MUSK: variants seen among roughly 807,000 people sequenced by gnomAD.
MUSK encodes the protein muscle associated receptor tyrosine kinase, also known as muscle, skeletal receptor tyrosine-protein kinase.
Under a neutral mutation model 88.7 loss-of-function variants are expected in MUSK, and 55 were observed. The ratio of observed to expected loss-of-function variants is 0.62; its 90% CI spans 0.50 to 0.78. MUSK has a LOEUF of 0.78. Among genes scored for constraint, MUSK ranks in the 30% least tolerant of loss-of-function variants. The probability of loss-of-function intolerance (pLI) is 0.00; values close to 1 mark genes in which losing one functional copy is unlikely to be tolerated. For missense variants in MUSK, 1,015 were observed against 1,074.3 expected (o/e 0.94, Z 0.77); for synonymous variants, 387 against 391.9 (o/e 0.99, Z 0.15).
intron 1 of MUSK, among the ~76,000 whole-genome samples, chr9:110,671,134 G>T (rs940251717): frequency 2.6e-5 from 4 of 152,106 alleles, no homozygotes; most frequent in Non-Finnish European, 5.9e-5. Context: ...ACCACACTCG[G>T]CTAATTTTTA....
chr9:110,800,380 C>T lies in MUSK; in HGVS notation c.2002C>T (p.Arg668Cys), dbSNP rs754730206. 1.9e-5 allele frequency: 31 copies of T among 1,613,692 alleles called. No homozygotes were observed. In the Admixed American group the frequency reaches 3.8e-4, roughly 20 times the overall value. ...MAYGDLNEFL[R>C]SMSPHTVCSL... is the part of the protein sequence containing the mutation. The stretch of plus-strand genomic sequence containing the variant: ...CTATGGTGACCTCAATGAGTTCCTC[C>T]GCAGCATGTCCCCTCACACCGTGTG... Residue 668 changes from arginine to cysteine, a missense_variant, in exon 15 of 15, where the codon CGC becomes TGC. Arg to Cys is a radical substitution (Grantham distance 180). Coordinates refer to ENST00000374448, the MANE Select transcript of MUSK (RefSeq NM_005592.4).
chr9:110,743,382 A>T lies in MUSK; in HGVS notation c.754-4259A>T, dbSNP rs2077128797. ...ATAGTAACATTCCTTTTGTTTTACAATCTTGGAAATAGTAGTTTGGCATGG... is the reference window on the plus strand; with the variant it reads ...ATAGTAACATTCCTTTTGTTTTACATTCTTGGAAATAGTAGTTTGGCATGG... On this transcript the variant is annotated intron_variant, in intron 6 of 14. Transcript: ENST00000374448. 2.0e-5 allele frequency among the ~76,000 whole-genome samples: 3 copies of T among 152,204 alleles called. 1 individual carries two copies. Among genetic ancestry groups the T allele is most frequent in the African/African-American group, 2.4e-5 (1 of 41,458 alleles).
intron 5 of MUSK, among the ~76,000 whole-genome samples, chr9:110,719,398 A>G (rs920766294): frequency 6.6e-6 from 1 of 152,116 alleles, no homozygotes; most frequent in Non-Finnish European, 1.5e-5. Context: ...AGAAAAACAT[A>G]TTCCATACAA....
At chr9:110,722,302 G>A (rs2076824027) in intron 5 of MUSK, among the ~76,000 whole-genome samples, 1 of 152,102 alleles carries the variant, frequency 6.6e-6, no homozygotes, top group East Asian at 1.9e-4. Context: ...GGCCAAGGCT[G>A]GCAGATCACT....
At chr9:110,694,517 C>A (rs10980529) in intron 3 of MUSK, among the ~76,000 whole-genome samples, 12,291 of 152,070 alleles carry the variant, frequency 0.081, 580 homozygotes, top group Non-Finnish European at 0.11. Flanking sequence ...AAAACAAAGT[C>A]CATATTTCAT....
chr9:110,761,181 CT>C (rs1399438751), intron 7 of MUSK, among the ~76,000 whole-genome samples: 7 of 152,156 alleles, frequency 4.6e-5, no homozygotes, highest in Non-Finnish European at 1.0e-4. Flanking sequence ...ATTCTCATGC[CT>C]TGGCAGAGTC....
intron 8 of MUSK, among the ~76,000 whole-genome samples, chr9:110,763,663 G>A (rs185918255): frequency 4.5e-4 from 68 of 152,344 alleles, no homozygotes; most frequent in Middle Eastern, 6.8e-3. Context: ...AGATTTGTCT[G>A]AAGCAGAGGA....
At position 110,800,904 on chromosome 9, in the gene MUSK, G is replaced by T. The variant is rs2078087224; in HGVS notation, c.2526G>T (p.Leu842=). ...YNLMRLCWSK[L]PADRPSFTSI... ...TCATGCGTCTATGTTGGAGCAAGCTGCCTGCAGACAGACCCAGTTTCACCA... is the reference window on the plus strand; with the variant it reads ...TCATGCGTCTATGTTGGAGCAAGCTTCCTGCAGACAGACCCAGTTTCACCA... Residue 842 remains leucine, a synonymous_variant, in exon 15 of 15, where the codon CTG becomes CTT. Transcript: ENST00000374448. 6.5e-7 allele frequency: 1 copy of T among 1,549,780 alleles called. No homozygotes were observed. The highest frequency in any genetic ancestry group is 2.3e-5 in the East Asian group (1 of 44,334).
At chr9:110,691,200 G>A (rs532694727) in intron 3 of MUSK, among the ~76,000 whole-genome samples, 1 of 152,046 alleles carries the variant, frequency 6.6e-6, no homozygotes, top group South Asian at 2.1e-4. Flanking sequence ...ACTCACTCTT[G>A]GCCTTGTCAC....
intron 14 of MUSK, among the ~76,000 whole-genome samples, chr9:110,797,392 A>T (rs138129407): frequency 6.6e-6 from 1 of 152,184 alleles, no homozygotes; most frequent in East Asian, 1.9e-4. Context: ...CAACAGGTAG[A>T]GTAACTGAAA....
At chr9:110,783,543 A>T (rs969339006) in intron 11 of MUSK, among the ~76,000 whole-genome samples, 1 of 152,022 alleles carries the variant, frequency 6.6e-6, no homozygotes, top group Non-Finnish European at 1.5e-5. Context: ...TAACTTTTTT[A>T]TCATTTCTAA....
chr9:110,749,644 A>G (rs1250846115), intron 7 of MUSK, among the ~76,000 whole-genome samples: 1 of 152,226 alleles, frequency 6.6e-6, no homozygotes, highest in African/African-American at 2.4e-5. Context: ...TAGGAGGTTG[A>G]GAAGTGCGGC....
chr9:110,672,438 G>T (rs1587872520), intron 1 of MUSK, among the ~76,000 whole-genome samples: 1 of 152,130 alleles, frequency 6.6e-6, no homozygotes, highest in Non-Finnish European at 1.5e-5. Flanking sequence ...ACCCAGCAGT[G>T]CTATGTGAAC....
At chr9:110,727,123 G>A (rs2076895994) in intron 5 of MUSK, among the ~76,000 whole-genome samples, 1 of 152,176 alleles carries the variant, frequency 6.6e-6, no homozygotes, top group East Asian at 1.9e-4. Flanking sequence ...GTTTTAAATA[G>A]TTTTTGAACT....
At chr9:110,682,438 C>T (rs1022202653) in intron 1 of MUSK, among the ~76,000 whole-genome samples, 2 of 152,006 alleles carry the variant, frequency 1.3e-5, no homozygotes, top group East Asian at 1.9e-4. Context: ...TGCCTCTCCT[C>T]GTATATCATA....
rs559371113 is a variant in MUSK, at chr9:110,709,192, C to A, written c.628+11726C>A. On this transcript the variant is annotated intron_variant, in intron 5 of 14. Coordinates refer to ENST00000374448, the MANE Select transcript of MUSK (RefSeq NM_005592.4). Reference sequence around the variant, plus strand: ...TAGAATTCTATGGCAAGAAGGAGTTCAAGTAATTTTATATTCAGTTATTTT... The same window carrying A: ...TAGAATTCTATGGCAAGAAGGAGTTAAAGTAATTTTATATTCAGTTATTTT... 3.3e-5 allele frequency among the ~76,000 whole-genome samples: 5 copies of A among 152,252 alleles called. No homozygotes were observed. In the East Asian group the frequency reaches 9.6e-4, roughly 29 times the overall value.
chr9:110,675,562 CTTT>C (rs10607243), intron 1 of MUSK, among the ~76,000 whole-genome samples: 23,108 of 62,270 alleles, frequency 0.37, 2,127 homozygotes, highest in Middle Eastern at 0.46. Context: ...ATAGTCTTCC[CTTT>C]TTTTTTTTTT....
In MUSK at chr9:110,801,564, A is replaced by G. The variant is rs1364207805; in HGVS notation, c.*576A>G. ...GTTTGTATTCTGCAGAGTTGTGGTT[A>G]CATTTTATTGATAGAGGGTTTCTAA... On this transcript the variant is annotated 3_prime_UTR_variant, in exon 15 of 15. Transcript: ENST00000374448. 1 of 152,238 alleles carries G rather than the reference A, an allele frequency of 6.6e-6. No individual in the cohort carries two copies. Among genetic ancestry groups the G allele is most frequent in the Non-Finnish European group, 1.5e-5 (1 of 68,042 alleles). The allele number at this position is 152,238 out of a possible 1,614,324, so 9.4% of individuals were successfully genotyped here. A position where few individuals can be genotyped will look rare whatever the true frequency, so the allele number is the denominator to read the frequency against.
chr9:110,690,877 T>C (rs1199237348), intron 3 of MUSK, among the ~76,000 whole-genome samples: 2 of 139,072 alleles, frequency 1.4e-5, no homozygotes, highest in African/African-American at 5.3e-5. Context: ...TAAATAAATA[T>C]ATATATATTT....
Sources: gnomAD v4.1 joint callset for allele counts (sites outside exome capture counted in the v4.1 genomes callset) on GRCh38, gnomAD v4.1.1 for gene constraint, MANE v1.5 for transcripts, NCBI Gene and HGNC (gene_info 2026-07-23, HGNC 2026-07-21) for gene names.